Variants in GHR observed in about 807,000 individuals in gnomAD.
The protein encoded by GHR is growth hormone receptor, also known as GH receptor.
In GHR, 35 loss-of-function variants were observed where a neutral mutation model predicts 67.1. That is an observed-to-expected ratio of 0.52 (90% CI 0.40 to 0.69). The LOEUF (loss-of-function observed/expected upper bound fraction) is 0.69, where lower values mean the gene tolerates loss of function less well. Ranked by LOEUF, GHR falls within the 30% of genes least tolerant of loss-of-function variation. The pLI is 0.00. For synonymous variants in GHR, 272 were observed against 269.1 expected, an observed-to-expected ratio of 1.01 and a Z score of -0.10; for missense variants, 792 against 764.6, an observed-to-expected ratio of 1.04 and a Z score of -0.42.
At chr5:42,666,621 T>C (rs889573384) in intron 3 of GHR, among the ~76,000 whole-genome samples, 2 of 152,198 alleles carry the variant, frequency 1.3e-5, no homozygotes, top group African/African-American at 4.8e-5. Context: ...ACATTTCAAG[T>C]GCTCAATACC....
chr5:42,449,395 G>T (rs1579718718), intron 1 of GHR, among the ~76,000 whole-genome samples: 1 of 152,018 alleles, frequency 6.6e-6, no homozygotes, highest in Non-Finnish European at 1.5e-5. Flanking sequence ...TATTTTTGCA[G>T]CTGTTGTAAA....
intron 2 of GHR, among the ~76,000 whole-genome samples, chr5:42,582,995 C>T (rs1042949885): frequency 2.6e-5 from 4 of 152,154 alleles, no homozygotes; most frequent in African/African-American, 9.6e-5. Context: ...GGGGTCCAGG[C>T]TGGTAGCGCA....
At chr5:42,502,845 A>C (rs34660039) in intron 1 of GHR, among the ~76,000 whole-genome samples, 56 of 148,290 alleles carry the variant, frequency 3.8e-4, no homozygotes, top group African/African-American at 1.3e-3. Context: ...TATTAAAATA[A>C]TAATTATTTT....
chr5:42,443,718 G>C (rs1743682400), intron 1 of GHR, among the ~76,000 whole-genome samples: 1 of 152,122 alleles, frequency 6.6e-6, no homozygotes, highest in Non-Finnish European at 1.5e-5. Flanking sequence ...TGGAGACCCA[G>C]AGAAGAGCTC....
intron 1 of GHR, among the ~76,000 whole-genome samples, chr5:42,560,401 C>T (rs572711745): frequency 2.0e-5 from 3 of 152,236 alleles, no homozygotes; most frequent in Non-Finnish European, 4.4e-5. Context: ...ACCATGTTGG[C>T]CAGGATGGTC....
At chr5:42,482,898 C>G (rs533536761) in intron 1 of GHR, among the ~76,000 whole-genome samples, 1 of 152,328 alleles carries the variant, frequency 6.6e-6, no homozygotes, top group East Asian at 1.9e-4. Context: ...CCTGCACCCA[C>G]TGTCTGGCAC....
At chr5:42,460,365 C>G (rs1362080577) in intron 1 of GHR, among the ~76,000 whole-genome samples, 2 of 152,204 alleles carry the variant, frequency 1.3e-5, no homozygotes, top group Admixed American at 1.3e-4. Flanking sequence ...AATTTCAAAT[C>G]CTGGTTCTAA....
intron 1 of GHR, among the ~76,000 whole-genome samples, chr5:42,427,879 G>T (rs913190289): frequency 1.3e-5 from 2 of 152,200 alleles, no homozygotes; most frequent in Non-Finnish European, 2.9e-5. Context: ...TTAAAGTTCT[G>T]AAATGAACTC....
chr5:42,560,028 A>G (rs777366704), intron 1 of GHR, among the ~76,000 whole-genome samples: 102 of 152,140 alleles, frequency 6.7e-4, no homozygotes, highest in Non-Finnish European at 5.4e-4. Flanking sequence ...TACTCTTCCC[A>G]TATATTAATT....
chr5:42,450,940 A>G (rs35418208), intron 1 of GHR, among the ~76,000 whole-genome samples: 41,201 of 151,892 alleles, frequency 0.27, 6,038 homozygotes, highest in African/African-American at 0.33. Context: ...TATAGTTTTG[A>G]AGGTTTCTTT....
chr5:42,441,511 G>A (rs181855321), intron 1 of GHR, among the ~76,000 whole-genome samples: 90 of 144,794 alleles, frequency 6.2e-4, no homozygotes, highest in African/African-American at 2.3e-3. Flanking sequence ...AGTTAAAGGA[G>A]GAGTTTTTTT....
Position 42,614,330 on chromosome 5 carries a change from CT to C in GHR, c.71-14706del, listed in dbSNP as rs1255599628. Among the ~76,000 whole-genome samples, 10 of 151,848 alleles carry C rather than the reference CT, an allele frequency of 6.6e-5. No individual in the cohort carries two copies. In the East Asian group the frequency reaches 1.7e-3, roughly 26 times the overall value. ...TCCTTGAGAAATGCTAAGATTATGC[CT>C]TGTGTTTGAGAAGTAGAAAAGGAAA... On this transcript the variant is annotated intron_variant, in intron 2 of 9. Coordinates refer to ENST00000230882, the MANE Select transcript of GHR (RefSeq NM_000163.5).
At chr5:42,682,090 T>TA (rs1298800935) in intron 3 of GHR, among the ~76,000 whole-genome samples, 2 of 152,072 alleles carry the variant, frequency 1.3e-5, no homozygotes, top group Non-Finnish European at 2.9e-5. Context: ...TATGCAGCCA[T>TA]AAAAAAGGAT....
At chr5:42,429,390 G>A (rs925838984) in intron 1 of GHR, among the ~76,000 whole-genome samples, 4 of 152,110 alleles carry the variant, frequency 2.6e-5, no homozygotes, top group African/African-American at 9.7e-5. Context: ...AATTGGGGTG[G>A]GGACACAGCA....
intron 3 of GHR, among the ~76,000 whole-genome samples, chr5:42,656,145 C>T (rs943715285): frequency 6.6e-6 from 1 of 151,984 alleles, no homozygotes; most frequent in Non-Finnish European, 1.5e-5. Flanking sequence ...TACAAACAAC[C>T]CCTCTGAACG....
chr5:42,688,488 T>C (rs1757265730), intron 3 of GHR, among the ~76,000 whole-genome samples: 1 of 152,218 alleles, frequency 6.6e-6, no homozygotes, highest in Non-Finnish European at 1.5e-5. Context: ...CATTAGCCAC[T>C]GTGATAACCA....
rs1025471627 is a variant in GHR, at chr5:42,424,870, A to T, written c.-12+915A>T. ...TGCGGGGGCTCTCGGTCTGGCGCGG[A>T]CTGTGTGTCCTGAATGAGTGTACGT... On this transcript the variant is annotated intron_variant, in intron 1 of 9. Transcript: ENST00000230882. The surrounding 1 kb of genome is among the most constrained non-coding windows in gnomAD (Gnocchi z 4.1). 15 of 400,746 alleles carry T rather than the reference A, an allele frequency of 3.7e-5. No individual in the cohort carries two copies. In the East Asian group the frequency reaches 2.4e-3, roughly 65 times the overall value. The allele number at this position is 400,746 out of a possible 1,614,324, so 24.8% of individuals were successfully genotyped here. A position where few individuals can be genotyped will look rare whatever the true frequency, so the allele number is the denominator to read the frequency against.
chr5:42,716,339 C>G (rs1758721829), intron 8 of GHR, among the ~76,000 whole-genome samples: 1 of 152,150 alleles, frequency 6.6e-6, no homozygotes. Flanking sequence ...ATCTGCCTCC[C>G]TGGGAGTCAT....
At chr5:42,697,130 C>G (rs141148131) in intron 5 of GHR, among the ~76,000 whole-genome samples, 2 of 152,172 alleles carry the variant, frequency 1.3e-5, no homozygotes, top group Non-Finnish European at 2.9e-5. Flanking sequence ...GAACAAAGAA[C>G]TAATGTAACC....
Sources: gnomAD v4.1 joint callset for allele counts (sites outside exome capture counted in the v4.1 genomes callset) on GRCh38, gnomAD v4.1.1 for gene constraint, Gnocchi (gnomAD v3.1) non-coding constraint, MANE v1.5 for transcripts, NCBI Gene and HGNC (gene_info 2026-07-23, HGNC 2026-07-21) for gene names.